DNAH7: variants seen among roughly 807,000 people sequenced by gnomAD.
The protein encoded by DNAH7 is axonemal beta dynein heavy chain 7.
Under a neutral mutation model 444.6 loss-of-function variants are expected in DNAH7, and 397 were observed. The ratio of observed to expected loss-of-function variants is 0.89; its 90% CI spans 0.82 to 0.97. The LOEUF is 0.97. Ranked by LOEUF, DNAH7 falls within the 50% of genes least tolerant of loss-of-function variation. The pLI is 0.00. For synonymous variants in DNAH7, 1,636 were observed against 1,624.4 expected, an observed-to-expected ratio of 1.01 and a Z score of -0.17; for missense variants, 4,902 against 4,800.8, an observed-to-expected ratio of 1.02 and a Z score of -0.62.
At chr2:195,962,408 T>C (rs1324592294) in intron 17 of DNAH7, among the ~76,000 whole-genome samples, 1 of 152,210 alleles carries the variant, frequency 6.6e-6, no homozygotes. Context: ...TGGAATGCAG[T>C]GGCAAGATCT....
chr2:195,923,848 C>G (rs1363800050), intron 22 of DNAH7, 41 bp from the exon 23 acceptor site: 1 of 1,570,174 alleles, frequency 6.4e-7, no homozygotes, highest in African/African-American at 1.4e-5. Flanking sequence ...CCAATGTGAT[C>G]AAAATTATTT....
chr2:195,811,094 TTAAGGTGAAAAAGAAG>T (rs1388003747), intron 51 of DNAH7, among the ~76,000 whole-genome samples: 1 of 152,214 alleles, frequency 6.6e-6, no homozygotes, highest in African/African-American at 2.4e-5. Context: ...TAATAACCTT[TTAAGGTGAAAAAGAAG>T]ATTAAAATTA....
intron 61 of DNAH7, among the ~76,000 whole-genome samples, chr2:195,768,818 T>A (rs1694706738): frequency 6.6e-6 from 1 of 152,220 alleles, no homozygotes; most frequent in African/African-American, 2.4e-5. Context: ...TTTACAAATA[T>A]ATAGGTTCAA....
chr2:195,966,279 A>G (rs1330402515), intron 17 of DNAH7, among the ~76,000 whole-genome samples: 1 of 152,088 alleles, frequency 6.6e-6, no homozygotes, highest in Non-Finnish European at 1.5e-5. Context: ...CTTGTTATTA[A>G]TTTCTAGTTT....
intron 44 of DNAH7, among the ~76,000 whole-genome samples, chr2:195,856,328 A>C (rs549395981): frequency 5.1e-4 from 77 of 152,344 alleles, no homozygotes; most frequent in Non-Finnish European, 7.5e-4. Flanking sequence ...TTCATGAGAA[A>C]GTGAGGTATC....
chr2:195,901,470 T>C (rs1179083664), intron 27 of DNAH7: 2 of 152,182 alleles, frequency 1.3e-5, no homozygotes, highest in Admixed American at 1.3e-4. Flanking sequence ...CATTAGCTTT[T>C]TGTATCAATT....
At chr2:195,875,600 T>G (rs776263664) in intron 38 of DNAH7, 75 bp downstream of exon 38, 1 of 1,408,388 alleles carries the variant, frequency 7.1e-7, no homozygotes, top group Admixed American at 2.4e-5. Flanking sequence ...AAAAGAGGAT[T>G]TTTTTCCAGT....
intron 2 of DNAH7, among the ~76,000 whole-genome samples, chr2:196,054,984 T>C (rs549604509): frequency 6.6e-6 from 1 of 152,342 alleles, no homozygotes; most frequent in South Asian, 2.1e-4. Context: ...CGGGTATTTC[T>C]TCATAGCAGC....
chr2:195,760,090 G>A lies in DNAH7; in HGVS notation c.11434-3805C>T, dbSNP rs118107400. On this transcript the variant is annotated intron_variant, in intron 61 of 64. Coordinates refer to ENST00000312428, the MANE Select transcript of DNAH7 (RefSeq NM_018897.3). ...CCACAAGGTGGCTAAAGACCCCTTG[G>A]GCCTTGAGTAAGATCAGCAGTAGCC... Among the ~76,000 whole-genome samples, 85 of 152,248 alleles carry A rather than the reference G, an allele frequency of 5.6e-4. No individual in the cohort carries two copies. The East Asian group carries it at 0.015, about 27-fold the overall frequency.
At chr2:195,799,516 G>T in intron 54 of DNAH7, 44 bp from the exon 55 acceptor site, 1 of 1,434,872 alleles carries the variant, frequency 7.0e-7, no homozygotes, top group Non-Finnish European at 9.2e-7. Context: ...TTCAAAATCT[G>T]CCTAAAACCA....
In DNAH7 at chr2:195,987,980, C is replaced by T; in HGVS notation, c.1603G>A (p.Glu535Lys). The T allele has an allele frequency of 6.2e-7, 1 of 1,610,882 alleles. No individual in the cohort carries two copies. Among genetic ancestry groups the T allele is most frequent in the Non-Finnish European group, 8.5e-7 (1 of 1,178,412 alleles). Reference protein sequence around the residue: ...EICKYQKLIEEIQYTSIKTIR... With the variant: ...EICKYQKLIEKIQYTSIKTIR... ...ACCTTTATGGATGTGTACTGTATTT[C>T]CTCTATTAGTTTCTGGTATTTGCAA... The change falls in exon 13 of 65, where the codon GAA (glutamate) becomes AAA (lysine). Residue 535 changes from glutamate (E) to lysine (K), a missense_variant. By Grantham distance (56) the Glu-to-Lys change is moderately conservative. Coordinates refer to ENST00000312428, the MANE Select transcript of DNAH7 (RefSeq NM_018897.3).
intron 12 of DNAH7, chr2:195,995,021 C>T (rs1242524914): frequency 3.8e-6 from 1 of 261,448 alleles, no homozygotes; most frequent in African/African-American, 2.3e-5. Flanking sequence ...CCTCCACCTC[C>T]TGGGTTCAAG....
chr2:195,842,994 C>G (rs540187838), intron 47 of DNAH7, among the ~76,000 whole-genome samples: 1 of 152,138 alleles, frequency 6.6e-6, no homozygotes, highest in African/African-American at 2.4e-5. Flanking sequence ...TGACCAGCTA[C>G]GTTCACAAGA....
chr2:196,067,657 G>A (rs1038066133), intron 1 of DNAH7, among the ~76,000 whole-genome samples: 1 of 152,080 alleles, frequency 6.6e-6, no homozygotes, highest in African/African-American at 2.4e-5. Flanking sequence ...TCTTCACATA[G>A]TTCTGTTAGT....
At chr2:196,004,782 T>A (rs1470218197) in intron 10 of DNAH7, among the ~76,000 whole-genome samples, 1 of 146,192 alleles carries the variant, frequency 6.8e-6, no homozygotes, top group Non-Finnish European at 1.5e-5. Flanking sequence ...AGGGTCTGTC[T>A]CACACACACA....
Position 195,864,323 on chromosome 2 carries a change from C to G in DNAH7, c.7332G>C (p.Arg2444=). ...CDKMRQLDRQ[R]DKTKQTDGSP... The stretch of plus-strand genomic sequence containing the variant: ...TGCCATCTGTTTGCTTGGTTTTATC[C>G]CGCTGGCGATCTAACTGACGCATCT... The change falls in exon 41 of 65, where the codon CGG becomes CGC. Residue 2444 remains arginine, a synonymous_variant. Transcript: ENST00000312428. 2 of 1,614,114 alleles carry G rather than the reference C, an allele frequency of 1.2e-6. No homozygotes were observed. Among genetic ancestry groups the G allele is most frequent in the Non-Finnish European group, 1.7e-6 (2 of 1,180,012 alleles).
chr2:196,035,181 C>CA (rs899973130), intron 5 of DNAH7, among the ~76,000 whole-genome samples: 48 of 149,490 alleles, frequency 3.2e-4, no homozygotes, highest in South Asian at 1.1e-3. Context: ...GACTCCATCT[C>CA]AAAAAAAAAC....
intron 51 of DNAH7, among the ~76,000 whole-genome samples, chr2:195,813,175 A>T (rs1271731518): frequency 2.0e-5 from 3 of 152,220 alleles, no homozygotes; most frequent in African/African-American, 7.2e-5. Context: ...AAGCTACCCA[A>T]ATATCCTCAA....
intron 21 of DNAH7, among the ~76,000 whole-genome samples, chr2:195,927,250 T>C (rs546699042): frequency 1.3e-4 from 20 of 152,270 alleles, no homozygotes; most frequent in Middle Eastern, 6.8e-3. Context: ...GTTACATGCA[T>C]CAACCAAAAA....
Sources: allele counts gnomAD v4.1 joint callset (sites outside exome capture counted in the v4.1 genomes callset), GRCh38; gene constraint gnomAD v4.1.1; transcripts MANE v1.5; gene names NCBI Gene and HGNC (gene_info 2026-07-23, HGNC 2026-07-21).